The following BORCS5 variants were observed in gnomAD, a reference collection of about 807,000 sequenced individuals.
BORCS5 encodes the protein BLOC-1-related complex subunit 5.
In BORCS5, 17 loss-of-function variants were observed where a neutral mutation model predicts 22.1. That is an observed-to-expected ratio of 0.77 (90% CI 0.53 to 1.15). The LOEUF is 1.15. Among genes scored for constraint, BORCS5 ranks in the 50% most tolerant of loss-of-function variants. The pLI, the probability that BORCS5 is intolerant of heterozygous loss-of-function variation, is 0.00. For missense variants in BORCS5, 247 were observed against 253.2 expected (o/e 0.98, Z 0.17); for synonymous variants, 117 against 99.8 (o/e 1.17, Z -1.03).
rs869045354 is a variant in BORCS5 at position 12,412,900 on chromosome 12, C to CTT, written c.203-22704_203-22703dup. ...TCAGTTGAAATGATTTTGTGGTTTT[C>CTT]TTTTTTTTTTTTTTTTTTTTTTTTT... is the stretch of plus-strand genomic sequence containing the variant. On this transcript the variant is annotated intron_variant, in intron 2 of 3. Transcript: ENST00000314565. Among the ~76,000 whole-genome samples the CTT allele has an allele frequency of 4.4e-3, 330 of 74,186 alleles. 18 individuals carry two copies. The highest frequency in any genetic ancestry group is 0.015 in the East Asian group (29 of 1,880). The allele number at this position is 74,186 out of a possible 152,430, so 48.7% of individuals were successfully genotyped here.
intron 1 of BORCS5, among the ~76,000 whole-genome samples, chr12:12,359,576 G>A (rs1349983786): frequency 1.3e-5 from 2 of 151,508 alleles, no homozygotes; most frequent in African/African-American, 4.9e-5. Flanking sequence ...TGGCCAGGCT[G>A]ATCTCGAACT....
At chr12:12,422,981 CT>C (rs934703913) in intron 2 of BORCS5, among the ~76,000 whole-genome samples, 110 of 128,262 alleles carry the variant, frequency 8.6e-4, no homozygotes, top group South Asian at 1.8e-3. Flanking sequence ...AATACATGGG[CT>C]TTTTTTTTTT....
At position 12,467,877 on chromosome 12, in the gene BORCS5, C is replaced by T. The variant is rs1212847100; in HGVS notation, c.*2101C>T. On this transcript the variant is annotated 3_prime_UTR_variant, in exon 4 of 4. Coordinates refer to ENST00000314565, the MANE Select transcript of BORCS5 (RefSeq NM_058169.6). ...TCACGTGCACGTTACCATGGATCTC[C>T]TGCACTTGTGGTGTGGGCAGCCGCT... The T allele has an allele frequency of 2.0e-5, 3 of 152,270 alleles. No individual in the cohort carries two copies. The highest frequency in any genetic ancestry group is 4.4e-5 in the Non-Finnish European group (3 of 68,082). 9.4% of individuals were successfully genotyped at this position (152,270 alleles called of 1,614,324 possible).
intron 2 of BORCS5, among the ~76,000 whole-genome samples, chr12:12,403,280 C>T (rs1592090637): frequency 6.6e-6 from 1 of 152,146 alleles, no homozygotes; most frequent in Non-Finnish European, 1.5e-5. Flanking sequence ...ACATCTGTCT[C>T]CCTGACTTAA....
chr12:12,438,360 C>CAAAAAAAAAAAAAAAAAAAAAA (rs57737663), intron 3 of BORCS5, among the ~76,000 whole-genome samples: 94 of 23,736 alleles, frequency 4.0e-3, no homozygotes, highest in Non-Finnish European at 5.6e-3. Context: ...GATTTCATCT[C>CAAAAAAAAAAAAAAAAAAAAAA]AAAAAAAAAA....
chr12:12,404,524 A>G (rs1011394296), intron 2 of BORCS5, among the ~76,000 whole-genome samples: 1 of 152,162 alleles, frequency 6.6e-6, no homozygotes, highest in African/African-American at 2.4e-5. Flanking sequence ...CTCATGGCCT[A>G]ACCACCTCTT....
At chr12:12,362,467 G>A (rs1187874904) in intron 2 of BORCS5, among the ~76,000 whole-genome samples, 1 of 151,982 alleles carries the variant, frequency 6.6e-6, no homozygotes, top group Non-Finnish European at 1.5e-5. Context: ...ACAACATGCA[G>A]GTTTGTTACA....
At chr12:12,432,392 T>A (rs1423322563) in intron 2 of BORCS5, among the ~76,000 whole-genome samples, 1 of 152,226 alleles carries the variant, frequency 6.6e-6, no homozygotes, top group African/African-American at 2.4e-5. Flanking sequence ...TAGCCCTTGA[T>A]AGTTTTGTTA....
At chr12:12,366,834 T>C (rs1471859702) in intron 2 of BORCS5, among the ~76,000 whole-genome samples, 1 of 152,222 alleles carries the variant, frequency 6.6e-6, no homozygotes. Context: ...TGTGCATATT[T>C]ACACACATGC....
chr12:12,437,330 A>C (rs1293760619), intron 3 of BORCS5, among the ~76,000 whole-genome samples: 1 of 152,182 alleles, frequency 6.6e-6, no homozygotes, highest in East Asian at 1.9e-4. Context: ...TGTGATTGTG[A>C]TGCCTCCCCA....
At chr12:12,415,556 A>AGGGGG (rs1555151610) in intron 2 of BORCS5, among the ~76,000 whole-genome samples, 807 of 3,280 alleles carry the variant, frequency 0.25, 55 homozygotes, top group African/African-American at 0.44. Flanking sequence ...GACCGTGGAG[A>AGGGGG]GAGGGGGAGG....
At chr12:12,378,298 G>A (rs1863699573) in intron 2 of BORCS5, among the ~76,000 whole-genome samples, 1 of 152,158 alleles carries the variant, frequency 6.6e-6, no homozygotes, top group Non-Finnish European at 1.5e-5. Flanking sequence ...CTTGAACCTG[G>A]GAGGCAGAGG....
intron 2 of BORCS5, among the ~76,000 whole-genome samples, chr12:12,415,236 C>T (rs1941903020): frequency 6.6e-6 from 1 of 151,060 alleles, no homozygotes; most frequent in African/African-American, 2.4e-5. Context: ...GAGATCACGC[C>T]ACTGCACTCC....
At chr12:12,386,866 C>G (rs1592074461) in intron 2 of BORCS5, among the ~76,000 whole-genome samples, 1 of 150,938 alleles carries the variant, frequency 6.6e-6, no homozygotes, top group Middle Eastern at 3.4e-3. Flanking sequence ...TTTATCTGCA[C>G]TGTTGGGTTA....
chr12:12,372,957 G>A (rs556586355), intron 2 of BORCS5, among the ~76,000 whole-genome samples: 2 of 152,258 alleles, frequency 1.3e-5, no homozygotes, highest in African/African-American at 4.8e-5. Flanking sequence ...AACTCAGTGA[G>A]GCTGCTGGGC....
chr12:12,416,591 C>T (rs776694066), intron 2 of BORCS5, among the ~76,000 whole-genome samples: 1 of 151,752 alleles, frequency 6.6e-6, no homozygotes, highest in Non-Finnish European at 1.5e-5. Flanking sequence ...TACAGACACA[C>T]ACCATTATGC....
In BORCS5 at chr12:12,357,362, G is replaced by T; in HGVS notation, c.-90G>T. ...CGCCCAGACTCTGCTTTGCCTCCCC[G>T]TCCCGGTCCCTGGCCCCTGCCCTGT... is the stretch of plus-strand genomic sequence containing the variant. On this transcript the variant is annotated 5_prime_UTR_variant, in exon 1 of 4. Transcript: ENST00000314565. The T allele has an allele frequency of 6.6e-7, 1 of 1,523,162 alleles. No individual in the cohort carries two copies. Among genetic ancestry groups the T allele is most frequent in the Non-Finnish European group, 8.9e-7 (1 of 1,129,518 alleles). The allele number at this position is 1,523,162 out of a possible 1,614,324, so 94.4% of individuals were successfully genotyped here. A position where few individuals can be genotyped will look rare whatever the true frequency, so the allele number is the denominator to read the frequency against.
intron 3 of BORCS5, among the ~76,000 whole-genome samples, chr12:12,458,398 A>G (rs1943037336): frequency 1.3e-5 from 2 of 152,148 alleles, no homozygotes; most frequent in African/African-American, 4.8e-5. Flanking sequence ...TTTTTTCTTA[A>G]TGTTGAATTA....
intron 2 of BORCS5, among the ~76,000 whole-genome samples, chr12:12,417,511 T>G (rs1221677333): frequency 6.6e-6 from 1 of 152,196 alleles, no homozygotes; most frequent in South Asian, 2.1e-4. Context: ...ACTTTATTAC[T>G]TATCTTCTGT....
Sources: gnomAD v4.1 joint callset for allele counts (sites outside exome capture counted in the v4.1 genomes callset) on GRCh38, gnomAD v4.1.1 for gene constraint, MANE v1.5 for transcripts, NCBI Gene and HGNC (gene_info 2026-07-23, HGNC 2026-07-21) for gene names.